Variants in SIGLEC7 observed in about 807,000 individuals in gnomAD.
SIGLEC7 encodes sialic acid binding Ig like lectin 7, also known as sialic acid-binding Ig-like lectin 7.
In SIGLEC7, 33 loss-of-function variants were observed where a neutral mutation model predicts 40.8. That is an observed-to-expected ratio of 0.81 (90% CI 0.61 to 1.08). SIGLEC7 has a LOEUF of 1.08. Ranked by LOEUF, SIGLEC7 falls within the 50% of genes least tolerant of loss-of-function variation. The pLI is 0.00. For missense variants in SIGLEC7, 513 were observed against 576.1 expected, an observed-to-expected ratio of 0.89 and a Z score of 1.12; for synonymous variants, 242 against 237.6, an observed-to-expected ratio of 1.02 and a Z score of -0.17.
Position 51,145,490 on chromosome 19 carries a change from T to C in SIGLEC7, c.761-365T>C, listed in dbSNP as rs906016013. ...TAGGGATGTGTGTGATTCCACTGTC[T>C]GAATAGTCTCTGATTTTGTGGCATC... On this transcript the variant is annotated intron_variant, in intron 3 of 6. Coordinates refer to ENST00000317643, the MANE Select transcript of SIGLEC7 (RefSeq NM_014385.4). This position sits in a 1 kb window ranked among gnomAD's most constrained non-coding sequence, Gnocchi z 4.3. Among the ~76,000 whole-genome samples the C allele has an allele frequency of 6.6e-6, 1 of 152,210 alleles. No homozygotes were observed. The highest frequency in any genetic ancestry group is 2.4e-5 in the African/African-American group (1 of 41,444).
rs57178266 is a variant in SIGLEC7, at chr19:51,151,403, C to T, written c.1222-1660C>T. 8.5e-3 allele frequency among the ~76,000 whole-genome samples: 1,301 copies of T among 152,228 alleles called. 18 individuals are homozygous for T. Among genetic ancestry groups the T allele is most frequent in the African/African-American group, 0.03 (1,230 of 41,524 alleles). On this transcript the variant is annotated intron_variant, in intron 6 of 6. Transcript: ENST00000317643. ...AGTTTTGTGTGTCTTTGGACAAGAA[C>T]GCGGGGGTTTGAATTATACCACTGG...
chr19:51,149,797 T>C (rs1006969285), intron 6 of SIGLEC7, among the ~76,000 whole-genome samples: 8 of 152,236 alleles, frequency 5.3e-5, no homozygotes, highest in African/African-American at 1.7e-4. Context: ...AGTATGTTTT[T>C]CCATTTGTGT....
Position 51,142,883 on chromosome 19 carries a change from G to C in SIGLEC7, c.433+81G>C, listed in dbSNP as rs140185670. 0.064 allele frequency: 91,340 copies of C among 1,426,770 alleles called. 3,295 individuals carry two copies. The highest frequency in any genetic ancestry group is 0.087 in the Middle Eastern group (471 of 5,432). 88.4% of individuals were successfully genotyped at this position (1,426,770 alleles called of 1,614,324 possible). ...ACGGCTGAGACGGGACACATGTCCT[G>C]GGAGGGGGCCGGGGGTGATGGACTC... On this transcript the variant is annotated intron_variant, in intron 1 of 6. Transcript: ENST00000317643. The surrounding 1 kb of genome is among the most constrained non-coding windows in gnomAD (Gnocchi z 5.0).
At chr19:51,148,653 TTGTA>T (rs1272530691) in intron 6 of SIGLEC7, among the ~76,000 whole-genome samples, 1 of 152,232 alleles carries the variant, frequency 6.6e-6, no homozygotes, top group African/African-American at 2.4e-5. Context: ...GAACATTTGC[TTGTA>T]TGTGTCTTTA....
At chr19:51,151,214 A>T (rs1480735683) in intron 6 of SIGLEC7, among the ~76,000 whole-genome samples, 1 of 152,216 alleles carries the variant, frequency 6.6e-6, no homozygotes, top group Non-Finnish European at 1.5e-5. Context: ...GGATTTGTTA[A>T]TGAATTGGAA....
chr19:51,146,676 G>T, intron 4 of SIGLEC7, 78 bp from the exon 5 acceptor site: 2 of 1,260,706 alleles, frequency 1.6e-6, no homozygotes, highest in Non-Finnish European at 2.3e-6. Context: ...CCCAAGTTGG[G>T]GGCCTTATAG....
chr19:51,145,881 T>C lies in SIGLEC7; in HGVS notation c.787T>C (p.Ser263Pro). ...ATCCACAGCTCTGGGGAACAGCTCA[T>C]CTCTTTCAGTCCTAGAGGGCCAGTC... ...TASTALGNSS[S>P]LSVLEGQSLR... The change falls in exon 4 of 7, where the codon TCT (serine) becomes CCT (proline). Residue 263 changes from serine to proline, a missense_variant. Ser to Pro is a moderately conservative substitution (Grantham distance 74). Coordinates refer to ENST00000317643, the MANE Select transcript of SIGLEC7 (RefSeq NM_014385.4). This position sits in a 1 kb window ranked among gnomAD's most constrained non-coding sequence, Gnocchi z 4.3. 6.2e-7 allele frequency: 1 copy of C among 1,614,154 alleles called. No homozygotes were observed. Among genetic ancestry groups the C allele is most frequent in the Non-Finnish European group, 8.5e-7 (1 of 1,180,024 alleles).
intron 6 of SIGLEC7, among the ~76,000 whole-genome samples, chr19:51,148,528 T>C (rs931180106): frequency 5.9e-5 from 9 of 152,232 alleles, no homozygotes; most frequent in African/African-American, 2.2e-4. Context: ...TCATTCTTTT[T>C]TATGGCTGCA....
At chr19:51,152,948 A>G (rs1025929604) in intron 6 of SIGLEC7, 115 bp from the exon 7 acceptor site, 2 of 771,586 alleles carry the variant, frequency 2.6e-6, no homozygotes, top group Non-Finnish European at 3.9e-6. Flanking sequence ...ATGAAGTTTA[A>G]TTCTATACAG....
Position 51,145,901 on chromosome 19 carries a change from C to T in SIGLEC7, c.807C>T (p.Gly269=). 6.2e-7 allele frequency: 1 copy of T among 1,614,222 alleles called. No individual in the cohort carries two copies. Among genetic ancestry groups the T allele is most frequent in the South Asian group, 1.1e-5 (1 of 91,080 alleles). Residue 269 remains glycine, a synonymous_variant, in exon 4 of 7, where the codon GGC becomes GGT. Transcript: ENST00000317643. This position sits in a 1 kb window ranked among gnomAD's most constrained non-coding sequence, Gnocchi z 4.3. ...GCTCATCTCTTTCAGTCCTAGAGGG[C>T]CAGTCTCTGCGCTTGGTCTGTGCTG... ...GNSSSLSVLE[G]QSLRLVCAVD...
At chr19:51,152,971 GAACC>G in intron 6 of SIGLEC7, 88 bp from the exon 7 acceptor site, 1 of 1,148,486 alleles carries the variant, frequency 8.7e-7, no homozygotes, top group Admixed American at 2.8e-5. Context: ...GAATATATCC[GAACC>G]AACCAACCGA....
At position 51,153,129 on chromosome 19, in the gene SIGLEC7, G is replaced by A; in HGVS notation, c.1288G>A (p.Gly430Arg). The A allele has an allele frequency of 6.2e-7, 1 of 1,609,766 alleles. No individual in the cohort carries two copies. Among genetic ancestry groups the A allele is most frequent in the East Asian group, 2.2e-5 (1 of 44,772 alleles). The change falls in exon 7 of 7, where the codon GGG (glycine) becomes AGG (arginine). Residue 430 changes from glycine to arginine, a missense_variant. Coordinates refer to ENST00000317643, the MANE Select transcript of SIGLEC7 (RefSeq NM_014385.4). ...RHHGLAAHSSGEEREIQYAPL... is the reference protein window; with the variant it reads ...RHHGLAAHSSREEREIQYAPL... ...CCATGGCCTGGCTGCCCACTCCTCA[G>A]GGGAGGAAAGAGAGATCCAGTATGC...
chr19:51,142,657 C>T lies in SIGLEC7; in HGVS notation c.288C>T (p.His96=). 1 of 1,614,194 alleles carries T rather than the reference C, an allele frequency of 6.2e-7. No homozygotes were observed. Among genetic ancestry groups the T allele is most frequent in the Non-Finnish European group, 8.5e-7 (1 of 1,180,042 alleles). ...AGGAGGAAACTCGGGACCGATTCCA[C>T]CTCCTTGGGGACCCACAGACCAAAA... ...AVQEETRDRF[H]LLGDPQTKNC... The change falls in exon 1 of 7, where the codon CAC becomes CAT. Residue 96 remains histidine, a synonymous_variant. Coordinates refer to ENST00000317643, the MANE Select transcript of SIGLEC7 (RefSeq NM_014385.4). The surrounding 1 kb of genome is among the most constrained non-coding windows in gnomAD (Gnocchi z 5.0).
chr19:51,147,441 T>C lies in SIGLEC7; in HGVS notation c.1221+124T>C, dbSNP rs1054127515. Reference sequence around the variant, plus strand: ...CCTCATCTCCTCCTCCTTCCCACCATCCAGCTTCTCCTGCAGGATTCCCCA... The same window carrying C: ...CCTCATCTCCTCCTCCTTCCCACCACCCAGCTTCTCCTGCAGGATTCCCCA... On this transcript the variant is annotated intron_variant, in intron 6 of 6. Transcript: ENST00000317643. The C allele has an allele frequency of 9.9e-6, 7 of 703,936 alleles. No individual in the cohort carries two copies. In the African/African-American group the frequency reaches 1.3e-4, roughly 13 times the overall value. 43.6% of individuals were successfully genotyped at this position (703,936 alleles called of 1,614,324 possible). A position where few individuals can be genotyped will look rare whatever the true frequency, so the allele number is the denominator to read the frequency against.
intron 6 of SIGLEC7, among the ~76,000 whole-genome samples, chr19:51,151,835 T>C (rs2092145515): frequency 6.6e-6 from 1 of 152,118 alleles, no homozygotes; most frequent in Non-Finnish European, 1.5e-5. Flanking sequence ...TTAATTTGAG[T>C]AATCAAGAGA....
Position 51,145,124 on chromosome 19 carries a change from T to C in SIGLEC7, c.760+165T>C, listed in dbSNP as rs1357835211. ...GCCTCTGTGGCCACCTGAGCACCTG[T>C]CCTCTTCCCCCCACTCCCCTCAGAC... On this transcript the variant is annotated intron_variant, in intron 3 of 6. Coordinates refer to ENST00000317643, the MANE Select transcript of SIGLEC7 (RefSeq NM_014385.4). The surrounding 1 kb of genome is among the most constrained non-coding windows in gnomAD (Gnocchi z 4.3). Among the ~76,000 whole-genome samples the C allele has an allele frequency of 6.6e-6, 1 of 151,976 alleles. No homozygotes were observed. The highest frequency in any genetic ancestry group is 2.4e-5 in the African/African-American group (1 of 41,374).
chr19:51,150,326 A>G (rs1375915177), intron 6 of SIGLEC7, among the ~76,000 whole-genome samples: 3 of 152,136 alleles, frequency 2.0e-5, no homozygotes, highest in Non-Finnish European at 4.4e-5. Context: ...TTCCTTTAAT[A>G]CCTAGTTTAC....
intron 1 of SIGLEC7, among the ~76,000 whole-genome samples, chr19:51,143,058 C>A (rs1484385816): frequency 6.6e-6 from 1 of 152,110 alleles, no homozygotes. Flanking sequence ...GCATGTGGGG[C>A]CTTATGACTC....
chr19:51,152,099 G>A (rs1322174024), intron 6 of SIGLEC7, among the ~76,000 whole-genome samples: 1 of 152,200 alleles, frequency 6.6e-6, no homozygotes, highest in Non-Finnish European at 1.5e-5. Flanking sequence ...TCAAGGCATT[G>A]GCAGGCAGGG....
Sources: gnomAD v4.1 joint callset for allele counts (sites outside exome capture counted in the v4.1 genomes callset) on GRCh38, gnomAD v4.1.1 for gene constraint, Gnocchi (gnomAD v3.1) non-coding constraint, MANE v1.5 for transcripts, NCBI Gene and HGNC (gene_info 2026-07-23, HGNC 2026-07-21) for gene names.